ATP11A: variants seen among roughly 807,000 people sequenced by gnomAD.
The protein encoded by ATP11A is ATPase phospholipid transporting 11A.
ATP11A carries 81 observed loss-of-function variants against 154.4 expected under a neutral mutation model. The observed-to-expected ratio is 0.52, with a 90% CI of 0.44 to 0.63. ATP11A has a LOEUF of 0.63. Ranked by LOEUF, ATP11A falls within the 30% of genes least tolerant of loss-of-function variation. ATP11A has a pLI of 0.00. For missense variants in ATP11A, 1,316 were observed against 1,474.3 expected, an observed-to-expected ratio of 0.89 and a Z score of 1.76; for synonymous variants, 623 against 585.9, an observed-to-expected ratio of 1.06 and a Z score of -0.91.
chr13:112,740,598 G>A (rs1385553327), intron 1 of ATP11A, among the ~76,000 whole-genome samples: 1 of 152,184 alleles, frequency 6.6e-6, no homozygotes, highest in African/African-American at 2.4e-5. Flanking sequence ...AAAATGCAAC[G>A]TAGCCCAGGG....
intron 1 of ATP11A, among the ~76,000 whole-genome samples, chr13:112,756,060 A>C (rs1474607436): frequency 6.6e-6 from 1 of 152,230 alleles, no homozygotes; most frequent in African/African-American, 2.4e-5. Context: ...CACTCAGAGC[A>C]GATTCTAGAA....
chr13:112,882,692 C>T lies in ATP11A; in HGVS notation c.*826C>T. On this transcript the variant is annotated 3_prime_UTR_variant, in exon 30 of 30. Coordinates refer to ENST00000375645, the MANE Select transcript of ATP11A (RefSeq NM_015205.3). This position sits in a 1 kb window ranked among gnomAD's most constrained non-coding sequence, Gnocchi z 5.1. Reference sequence around the variant, plus strand: ...TGGGAGGACAAGGCCACGCCGGCAGCTTCCAGCCCTGCCGCAGAAGTGCCA... The same window carrying T: ...TGGGAGGACAAGGCCACGCCGGCAGTTTCCAGCCCTGCCGCAGAAGTGCCA... The T allele has an allele frequency of 2.5e-6, 1 of 400,014 alleles. No homozygotes were observed. Among genetic ancestry groups the T allele is most frequent in the East Asian group, 3.6e-5 (1 of 28,072 alleles). 24.8% of individuals were successfully genotyped at this position (400,014 alleles called of 1,614,324 possible).
intron 1 of ATP11A, among the ~76,000 whole-genome samples, chr13:112,742,460 C>T (rs1891665484): frequency 6.6e-6 from 1 of 152,104 alleles, no homozygotes; most frequent in African/African-American, 2.4e-5. Context: ...TGTGGGGGGA[C>T]TTATGACAGG....
intron 1 of ATP11A, among the ~76,000 whole-genome samples, chr13:112,782,732 T>G (rs1328288995): frequency 6.6e-6 from 1 of 152,092 alleles, no homozygotes; most frequent in African/African-American, 2.4e-5. Flanking sequence ...TGTGGCATGG[T>G]CAGGGCAGTG....
chr13:112,762,699 C>T (rs895564383), intron 1 of ATP11A, among the ~76,000 whole-genome samples: 1 of 152,114 alleles, frequency 6.6e-6, no homozygotes, highest in African/African-American at 2.4e-5. Flanking sequence ...GTCATGAGCT[C>T]GAAACCCAGT....
chr13:112,771,117 C>T (rs1015388585), intron 1 of ATP11A, among the ~76,000 whole-genome samples: 1 of 152,208 alleles, frequency 6.6e-6, no homozygotes, highest in Non-Finnish European at 1.5e-5. Flanking sequence ...TTTAAAAAAT[C>T]TCCTTTGTCC....
At chr13:112,710,187 T>C (rs969341793) in intron 1 of ATP11A, among the ~76,000 whole-genome samples, 3 of 152,222 alleles carry the variant, frequency 2.0e-5, no homozygotes, top group African/African-American at 7.2e-5. Flanking sequence ...CCTCCCTCTT[T>C]GCAGACGTGT....
intron 6 of ATP11A, among the ~76,000 whole-genome samples, chr13:112,817,199 A>G (rs1009134916): frequency 4.6e-5 from 7 of 152,254 alleles, no homozygotes; most frequent in Non-Finnish European, 5.9e-5. Context: ...AGTGGATTCA[A>G]CTAAGTCATC....
At chr13:112,803,780 C>CCA (rs2078208289) in intron 2 of ATP11A, among the ~76,000 whole-genome samples, 314 of 106,202 alleles carry the variant, frequency 3.0e-3, no homozygotes, top group African/African-American at 7.5e-3. Context: ...CTTCCTCTCC[C>CCA]TCCCCTCCCT....
At chr13:112,848,527 T>C (rs1196608080) in intron 17 of ATP11A, among the ~76,000 whole-genome samples, 2 of 152,210 alleles carry the variant, frequency 1.3e-5, no homozygotes, top group African/African-American at 4.8e-5. Flanking sequence ...TCCTTTCTAA[T>C]GTGGAAACTT....
chr13:112,731,937 CG>C (rs67335042), intron 1 of ATP11A, among the ~76,000 whole-genome samples: 862 of 83,148 alleles, frequency 0.01, 22 homozygotes, highest in African/African-American at 0.028. Context: ...GAAATGGGGG[CG>C]GGGGGGGGCA....
chr13:112,814,417 C>G (rs924303417), intron 5 of ATP11A, among the ~76,000 whole-genome samples: 2 of 151,630 alleles, frequency 1.3e-5, no homozygotes, highest in Admixed American at 6.6e-5. Flanking sequence ...ATGAAGCATT[C>G]TTTGCCTGGT....
intron 1 of ATP11A, among the ~76,000 whole-genome samples, chr13:112,763,417 CTA>C (rs1356224957): frequency 6.6e-6 from 1 of 152,184 alleles, no homozygotes; most frequent in Non-Finnish European, 1.5e-5. Flanking sequence ...CAACCTGACT[CTA>C]GTGTACCCTC....
chr13:112,822,459 C>T lies in ATP11A; in HGVS notation c.726-886C>T, dbSNP rs962273383. ...CCATGCATGGATTGTCCCAGATTTA[C>T]ATGTCCCCCCCATTCAGAGGAGCTT... On this transcript the variant is annotated intron_variant, in intron 8 of 29. Transcript: ENST00000375645. Among the ~76,000 whole-genome samples the T allele has an allele frequency of 3.9e-5, 6 of 152,298 alleles. No individual in the cohort carries two copies. In the South Asian group the frequency reaches 1.2e-3, roughly 32 times the overall value.
intron 1 of ATP11A, among the ~76,000 whole-genome samples, chr13:112,713,495 A>G (rs73576430): frequency 2.8e-3 from 428 of 152,382 alleles, no homozygotes; most frequent in African/African-American, 9.8e-3. Context: ...GTAAGAATTC[A>G]TGTTATTAAA....
chr13:112,695,729 G>C (rs1022364710), intron 1 of ATP11A, among the ~76,000 whole-genome samples: 4 of 152,200 alleles, frequency 2.6e-5, no homozygotes, highest in Admixed American at 2.0e-4. Context: ...TCTATTTACA[G>C]ATGTATTAAA....
intron 1 of ATP11A, among the ~76,000 whole-genome samples, chr13:112,736,870 A>G (rs1324885410): frequency 1.3e-5 from 2 of 152,216 alleles, no homozygotes; most frequent in Admixed American, 6.5e-5. Context: ...GACGGGAGAG[A>G]GGATTGGCAG....
Position 112,871,774 on chromosome 13 carries a change from G to C in ATP11A, c.3031G>C (p.Val1011Leu), listed in dbSNP as rs773063177. The C allele has an allele frequency of 6.2e-7, 1 of 1,614,190 alleles. No homozygotes were observed. The highest frequency in any genetic ancestry group is 8.5e-7 in the Non-Finnish European group (1 of 1,180,016). Residue 1011 changes from valine (V) to leucine (L), a missense_variant, in exon 26 of 30, where the codon GTG becomes CTG. By Grantham distance (32) the Val-to-Leu change is conservative. Around this residue, in one of 5 missense-constraint regions of ATP11A, gnomAD observed 294 missense variants for 290.2 expected, o/e 1.01. Coordinates refer to ENST00000375645, the MANE Select transcript of ATP11A (RefSeq NM_015205.3). ...NWTFGTLVFT[V>L]MVFTVTLKLA... is the part of the protein sequence containing the mutation. ...GACGTTTGGAACGCTGGTATTCACCGTGATGGTGTTCACAGTTACACTAAA... is the reference window on the plus strand; with the variant it reads ...GACGTTTGGAACGCTGGTATTCACCCTGATGGTGTTCACAGTTACACTAAA...
chr13:112,829,137 G>A (rs1431405154), intron 12 of ATP11A, among the ~76,000 whole-genome samples: 4 of 152,322 alleles, frequency 2.6e-5, no homozygotes, highest in Non-Finnish European at 5.9e-5. Context: ...TCCCGAGCAC[G>A]AGTGCCTTGG....
Sources: gnomAD v4.1 joint callset for allele counts (sites outside exome capture counted in the v4.1 genomes callset) on GRCh38, gnomAD v4.1.1 for gene constraint, gnomAD v4.1.1 regional missense constraint, Gnocchi (gnomAD v3.1) non-coding constraint, MANE v1.5 for transcripts, NCBI Gene and HGNC (gene_info 2026-07-23, HGNC 2026-07-21) for gene names.